Variants in FAM9B observed in about 807,000 individuals in gnomAD.
FAM9B encodes the protein family with sequence similarity 9 member B.
FAM9B carries 18 observed loss-of-function variants against 16.6 expected under a neutral mutation model. The observed-to-expected ratio is 1.09, with a 90% confidence interval of 0.75 to 1.61. The LOEUF (loss-of-function observed/expected upper bound fraction) is 1.61, where lower values mean the gene tolerates loss of function less well. FAM9B is among the 40% of genes most tolerant of loss of function. The pLI is 0.00. For missense variants in FAM9B, 155 were observed against 136.0 expected, an observed-to-expected ratio of 1.14 and a Z score of -0.70; for synonymous variants, 43 against 42.6, an observed-to-expected ratio of 1.01 and a Z score of -0.03.
chrX:9,028,408 A>AATC (rs1274214535), intron 6 of FAM9B, among the ~76,000 whole-genome samples: 1 of 111,197 alleles, frequency 9.0e-6, no homozygotes, highest in Non-Finnish European at 1.9e-5. Flanking sequence ...ACCCTGACCT[A>AATC]ATCTCCAACA....
intron 7 of FAM9B, among the ~76,000 whole-genome samples, chrX:9,027,318 T>C (rs1920976588): frequency 1.8e-5 from 2 of 111,862 alleles, no homozygotes; most frequent in Admixed American, 1.9e-4. Context: ...CTTGCCTACT[T>C]CCTATTTAAC....
intron 4 of FAM9B, chrX:9,031,417 T>C (rs1921068979): frequency 8.9e-6 from 1 of 112,090 alleles, no homozygotes; most frequent in Non-Finnish European, 1.9e-5. Context: ...AAGTTGTCCT[T>C]ACTTTTCTAC....
chrX:9,029,820 C>G (rs1447815158), intron 5 of FAM9B, among the ~76,000 whole-genome samples: 1 of 112,057 alleles, frequency 8.9e-6, no homozygotes, highest in Non-Finnish European at 1.9e-5. Flanking sequence ...AACTATTTCT[C>G]CACTTTGGCA....
At chrX:9,033,350 C>T (rs1921150023) in intron 1 of FAM9B, 3 of 1,017,889 alleles carry the variant, frequency 2.9e-6, no homozygotes. Context: ...CTCAGCCCTA[C>T]CTCTGAGTCA....
chrX:9,028,015 C>G (rs189410736), intron 6 of FAM9B, 49 bp from the exon 7 acceptor site: 1 of 902,330 alleles, frequency 1.1e-6, no homozygotes, highest in Non-Finnish European at 1.6e-6. Flanking sequence ...AATTTTAATA[C>G]TTACAAAACA....
chrX:9,031,114 TA>T (rs1014750212), intron 4 of FAM9B: 1 of 111,739 alleles, frequency 8.9e-6, no homozygotes, highest in Non-Finnish European at 1.9e-5. Context: ...ACAATGCAAA[TA>T]TTTTTTACAT....
chrX:9,030,121 C>A lies in FAM9B; in HGVS notation c.281+140G>T. 2.7e-6 allele frequency: 3 copies of A among 1,104,910 alleles called. No homozygotes were observed. The African/African-American group carries it at 5.6e-5, about 20-fold the overall frequency. The allele number at this position is 1,104,910 out of a possible 1,213,427, so 91.1% of individuals were successfully genotyped here. ...GAGGTTATAAAACTAAAGAAACTTA[C>A]CTACTTAGAGAACAATCAAGTAAAA... is the stretch of plus-strand genomic sequence containing the variant. On this transcript the variant is annotated intron_variant, in intron 5 of 8. Transcript: ENST00000327220.
In FAM9B at chrX:9,025,112, C is replaced by T. The variant is rs1416596537; in HGVS notation, c.*297G>A. On this transcript the variant is annotated 3_prime_UTR_variant, in exon 9 of 9. Coordinates refer to ENST00000327220, the MANE Select transcript of FAM9B (RefSeq NM_205849.3). ...ATCTTTAATGTTAAAATTTAATTGA[C>T]CGTGTACATAACTATGCAATCCCTG... 8.5e-6 allele frequency: 1 copy of T among 117,122 alleles called. No homozygotes were observed. The highest frequency in any genetic ancestry group is 1.8e-5 in the Non-Finnish European group (1 of 56,734). The allele number at this position is 117,122 out of a possible 1,213,427, so 9.7% of individuals were successfully genotyped here. A position where few individuals can be genotyped will look rare whatever the true frequency, so the allele number is the denominator to read the frequency against.
At chrX:9,032,648 C>T (rs1250005411) in intron 2 of FAM9B, 187 bp from the exon 3 acceptor site, 1 of 702,026 alleles carries the variant, frequency 1.4e-6, no homozygotes, top group African/African-American at 2.2e-5. Flanking sequence ...CTTTTGGAAG[C>T]CCTTCGGGTT....
At chrX:9,027,241 TA>T (rs1920975860) in intron 7 of FAM9B, among the ~76,000 whole-genome samples, 2 of 112,009 alleles carry the variant, frequency 1.8e-5, no homozygotes, top group Admixed American at 9.5e-5. Context: ...AATAATTTTG[TA>T]AGTGAATATG....
chrX:9,032,781 G>T (rs749218982), intron 2 of FAM9B, 178 bp downstream of exon 2: 238 of 669,794 alleles, frequency 3.6e-4, no homozygotes, highest in African/African-American at 3.3e-3. Context: ...CCACGGGGAA[G>T]CCTAAGGCCC....
At chrX:9,029,774 C>G (rs1217321533) in intron 5 of FAM9B, among the ~76,000 whole-genome samples, 1 of 112,063 alleles carries the variant, frequency 8.9e-6, no homozygotes, top group Non-Finnish European at 1.9e-5. Context: ...CATAGCCATT[C>G]ATCCCATAAG....
intron 6 of FAM9B, 91 bp downstream of exon 6, chrX:9,029,216 C>G (rs1437575119): frequency 1.6e-5 from 12 of 774,095 alleles, no homozygotes; most frequent in Non-Finnish European, 2.3e-5. Flanking sequence ...GGCTCATGCG[C>G]TCTTCCTTCT....
chrX:9,032,708 A>T, intron 2 of FAM9B: 1 of 537,451 alleles, frequency 1.9e-6, no homozygotes, highest in East Asian at 3.6e-5. Context: ...GGATGTCAGG[A>T]CTGCACCCAT....
At position 9,032,560 on chromosome X, in the gene FAM9B, G is replaced by C. The variant is rs756901678; in HGVS notation, c.29-99C>G. On this transcript the variant is annotated intron_variant, in intron 2 of 8. Coordinates refer to ENST00000327220, the MANE Select transcript of FAM9B (RefSeq NM_205849.3). ...ACTAGTTGTAGACTTTTTTGGGGGG[G>C]GGGGGCTCTCTGCCAATTAAAGCTT... The C allele has an allele frequency of 8.7e-5, 47 of 541,693 alleles. 3 individuals carry two copies. Among genetic ancestry groups the C allele is most frequent in the African/African-American group, 8.1e-4 (35 of 43,322 alleles). 44.6% of individuals were successfully genotyped at this position (541,693 alleles called of 1,213,427 possible). A position where few individuals can be genotyped will look rare whatever the true frequency, so the allele number is the denominator to read the frequency against.
In FAM9B at chrX:9,032,113, TAACTCCTAAAACATACC is replaced by T; in HGVS notation, c.181_181+16del. Reference sequence around the variant, plus strand: ...GAAAACAATTTTCATAAACTACAGATAACTCCTAAAACATACCTGCAGTATCTTCTGGCTTCTTGGTA... The same window carrying T: ...GAAAACAATTTTCATAAACTACAGATTGCAGTATCTTCTGGCTTCTTGGTA... On this transcript the variant is annotated splice_donor_variant and splice_donor_5th_base_variant and coding_sequence_variant and intron_variant, in exon 4 of 9. Transcript: ENST00000327220. LOFTEE classifies it high-confidence loss of function. 1 of 1,198,113 alleles carries T rather than the reference TAACTCCTAAAACATACC, an allele frequency of 8.3e-7. No homozygotes were observed. The highest frequency in any genetic ancestry group is 1.1e-6 in the Non-Finnish European group (1 of 888,642).
At chrX:9,032,563 G>T in intron 2 of FAM9B, 102 bp from the exon 3 acceptor site, 10 of 441,113 alleles carry the variant, frequency 2.3e-5, no homozygotes, top group South Asian at 9.9e-5. Context: ...TGGGGGGGGG[G>T]GGCTCTCTGC....
At chrX:9,032,095 AT>A in intron 4 of FAM9B, 34 bp downstream of exon 4, 1 of 1,180,771 alleles carries the variant, frequency 8.5e-7, no homozygotes. Flanking sequence ...ACTGAAAACA[AT>A]TTTCATAAAC....
chrX:9,032,882 T>G, intron 2 of FAM9B, 77 bp downstream of exon 2: 3 of 1,165,451 alleles, frequency 2.6e-6, no homozygotes, highest in African/African-American at 3.5e-5. Flanking sequence ...GCTGCCCCTG[T>G]GCCCCCAGCG....
Sources: gnomAD v4.1 joint callset for allele counts (sites outside exome capture counted in the v4.1 genomes callset) on GRCh38, gnomAD v4.1.1 for gene constraint, MANE v1.5 for transcripts, NCBI Gene and HGNC (gene_info 2026-07-23, HGNC 2026-07-21) for gene names.